Variants in PDZD8 observed in about 807,000 individuals in gnomAD.
PDZD8 encodes PDZ domain-containing protein 8.
PDZD8 carries 14 observed loss-of-function variants against 85.8 expected under a neutral mutation model. The observed-to-expected ratio is 0.16, with a 90% CI of 0.11 to 0.26. The LOEUF is 0.26. Ranked by LOEUF, PDZD8 falls within the 10% of genes least tolerant of loss-of-function variation. PDZD8 has a pLI of 1.00. For missense variants in PDZD8, 1,197 were observed against 1,424.3 expected, an observed-to-expected ratio of 0.84 and a Z score of 2.57; for synonymous variants, 592 against 568.6, an observed-to-expected ratio of 1.04 and a Z score of -0.59.
At chr10:117,357,582 A>G (rs553876638) in intron 1 of PDZD8, among the ~76,000 whole-genome samples, 2 of 151,900 alleles carry the variant, frequency 1.3e-5, no homozygotes, top group South Asian at 2.1e-4. Context: ...CCTGGCCAAC[A>G]TGGTGAAACC....
intron 1 of PDZD8, among the ~76,000 whole-genome samples, chr10:117,345,831 G>A (rs1844696127): frequency 6.6e-6 from 1 of 152,190 alleles, no homozygotes; most frequent in Non-Finnish European, 1.5e-5. Context: ...GTAGGCTTTG[G>A]AGAGAATAGG....
chr10:117,365,342 A>T (rs1045634454), intron 1 of PDZD8, among the ~76,000 whole-genome samples: 4 of 152,154 alleles, frequency 2.6e-5, no homozygotes, highest in Non-Finnish European at 4.4e-5. Flanking sequence ...TAAGTTTTTT[A>T]AAAAAAGATG....
intron 1 of PDZD8, among the ~76,000 whole-genome samples, chr10:117,349,586 T>C (rs922207627): frequency 3.9e-5 from 6 of 152,170 alleles, no homozygotes; most frequent in African/African-American, 1.4e-4. Context: ...GCGACCTGCT[T>C]GAGCTCAGGA....
intron 3 of PDZD8, 37 bp downstream of exon 3, chr10:117,318,835 C>A (rs1589562762): frequency 7.1e-7 from 1 of 1,404,376 alleles, no homozygotes; most frequent in African/African-American, 1.4e-5. Flanking sequence ...TAAAATAGAA[C>A]TTTATATAGA....
At chr10:117,307,212 G>T (rs991548390) in intron 3 of PDZD8, among the ~76,000 whole-genome samples, 2 of 151,098 alleles carry the variant, frequency 1.3e-5, no homozygotes, top group Non-Finnish European at 3.0e-5. Context: ...TGGAATTATG[G>T]TTGACTTTTG....
chr10:117,315,587 CAAAAAA>C (rs35866840), intron 3 of PDZD8, among the ~76,000 whole-genome samples: 1 of 42,108 alleles, frequency 2.4e-5, no homozygotes, highest in Non-Finnish European at 5.1e-5. Flanking sequence ...TAGACTCTCT[CAAAAAA>C]AAAAAAAAAA....
intron 1 of PDZD8, among the ~76,000 whole-genome samples, chr10:117,365,909 G>C (rs1234801751): frequency 1.3e-5 from 2 of 152,106 alleles, no homozygotes; most frequent in African/African-American, 4.8e-5. Context: ...AATATCATGG[G>C]AAGAAATGTT....
chr10:117,356,999 GCAGTAA>G (rs1489714520), intron 1 of PDZD8, among the ~76,000 whole-genome samples: 2 of 152,058 alleles, frequency 1.3e-5, no homozygotes, highest in Non-Finnish European at 2.9e-5. Flanking sequence ...AAGCAATAAA[GCAGTAA>G]AATGTTTAAA....
At chr10:117,359,309 G>C (rs1044859091) in intron 1 of PDZD8, among the ~76,000 whole-genome samples, 1 of 151,866 alleles carries the variant, frequency 6.6e-6, no homozygotes, top group African/African-American at 2.4e-5. Flanking sequence ...CCAGCTACTG[G>C]GGAGGCTGGG....
rs1844588211 is a variant in PDZD8 at position 117,282,532 on chromosome 10, T to C, written c.*736A>G. On this transcript the variant is annotated 3_prime_UTR_variant, in exon 5 of 5. Coordinates refer to ENST00000334464, the MANE Select transcript of PDZD8 (RefSeq NM_173791.5). ...CAATCTACATTTATTTCCTATTACA[T>C]TGTCTTTCAATGTAAGCTCTTCAAA... 1 of 152,200 alleles carries C rather than the reference T, an allele frequency of 6.6e-6. No homozygotes were observed. The highest frequency in any genetic ancestry group is 6.5e-5 in the Admixed American group (1 of 15,276). 9.4% of individuals were successfully genotyped at this position (152,200 alleles called of 1,614,324 possible). A position where few individuals can be genotyped will look rare whatever the true frequency, so the allele number is the denominator to read the frequency against.
At position 117,282,422 on chromosome 10, in the gene PDZD8, TAA is replaced by T. The variant is rs1844586620; in HGVS notation, c.*844_*845del. The T allele has an allele frequency of 6.6e-6, 1 of 152,192 alleles. No homozygotes were observed. The allele number at this position is 152,192 out of a possible 1,614,324, so 9.4% of individuals were successfully genotyped here. A position where few individuals can be genotyped will look rare whatever the true frequency, so the allele number is the denominator to read the frequency against. On this transcript the variant is annotated 3_prime_UTR_variant, in exon 5 of 5. Coordinates refer to ENST00000334464, the MANE Select transcript of PDZD8 (RefSeq NM_173791.5). The stretch of plus-strand genomic sequence containing the variant: ...ATTTAAAAGGAAAGCATCAATATTT[TAA>T]AAGATTATATTTCAAAATGCTATGT...
chr10:117,319,425 ACACACACAC>A (rs778053396), intron 2 of PDZD8, among the ~76,000 whole-genome samples: 1 of 74,136 alleles, frequency 1.3e-5, no homozygotes, highest in African/African-American at 3.7e-5. Flanking sequence ...ACACACACAC[ACACACACAC>A]TCTTCATCTA....
intron 3 of PDZD8, among the ~76,000 whole-genome samples, chr10:117,318,489 A>C (rs1020599940): frequency 6.6e-6 from 1 of 152,156 alleles, no homozygotes; most frequent in Non-Finnish European, 1.5e-5. Flanking sequence ...TTTCTCTTGC[A>C]TCTAAAACAG....
At chr10:117,368,464 C>T (rs930510970) in intron 1 of PDZD8, among the ~76,000 whole-genome samples, 4 of 151,934 alleles carry the variant, frequency 2.6e-5, no homozygotes, top group Admixed American at 2.0e-4. Context: ...ATTTTAGTAG[C>T]TATTTTAAAA....
intron 2 of PDZD8, among the ~76,000 whole-genome samples, chr10:117,332,995 T>C (rs1225307869): frequency 6.6e-6 from 1 of 150,704 alleles, no homozygotes; most frequent in Non-Finnish European, 1.5e-5. Flanking sequence ...GGCGGGTGCC[T>C]GTAATCTCAG....
chr10:117,368,028 G>C (rs1336605798), intron 1 of PDZD8, among the ~76,000 whole-genome samples: 3 of 152,142 alleles, frequency 2.0e-5, no homozygotes, highest in African/African-American at 4.8e-5. Context: ...AAACTGAAGG[G>C]CTTAAATATT....
intron 3 of PDZD8, among the ~76,000 whole-genome samples, chr10:117,307,674 T>C (rs1425919237): frequency 6.6e-6 from 1 of 152,056 alleles, no homozygotes; most frequent in South Asian, 2.1e-4. Flanking sequence ...CCAATATCAA[T>C]GTAAACCAAC....
At chr10:117,367,429 C>CAAAT (rs1437285304) in intron 1 of PDZD8, among the ~76,000 whole-genome samples, 24 of 151,912 alleles carry the variant, frequency 1.6e-4, no homozygotes, top group African/African-American at 5.1e-4. Flanking sequence ...AACAAACAAA[C>CAAAT]AAACAAAAAT....
chr10:117,352,139 C>G (rs530982251), intron 1 of PDZD8, among the ~76,000 whole-genome samples: 29 of 151,706 alleles, frequency 1.9e-4, no homozygotes, highest in African/African-American at 7.0e-4. Context: ...TCAAGTTTGC[C>G]CTATAAGCAT....
Sources: allele counts gnomAD v4.1 joint callset (sites outside exome capture counted in the v4.1 genomes callset), GRCh38; gene constraint gnomAD v4.1.1; transcripts MANE v1.5; gene names NCBI Gene and HGNC (gene_info 2026-07-23, HGNC 2026-07-21).